NACC2: variants seen among roughly 807,000 people sequenced by gnomAD.
NACC2 encodes the protein NACC family member 2, also known as nucleus accumbens-associated protein 2.
A neutral mutation model predicts 25.1 loss-of-function variants in NACC2; 8 were observed. The observed-to-expected ratio is 0.32, with a 90% CI of 0.19 to 0.57. The LOEUF (loss-of-function observed/expected upper bound fraction) is 0.57, where lower values mean the gene tolerates loss of function less well. Among genes scored for constraint, NACC2 ranks in the 20% least tolerant of loss-of-function variants. NACC2 has a pLI of 0.89. For synonymous variants in NACC2, 435 were observed against 294.7 expected (o/e 1.48, Z -4.88); for missense variants, 644 against 650.2 (o/e 0.99, Z 0.10).
intron 1 of NACC2, among the ~76,000 whole-genome samples, chr9:136,077,645 G>A (rs908296883): frequency 7.9e-6 from 1 of 126,886 alleles, no homozygotes; most frequent in Non-Finnish European, 1.8e-5. Context: ...CCTTCACAGA[G>A]GAGAAGGTCC....
rs558667937 is a variant in NACC2 at position 136,067,609 on chromosome 9, G to A, written c.-59-17029C>T. ...TCCCAGCAATTTGGGAAGCCAAGGC[G>A]GGCAGATCACGAGGTCAAGAGATCG... On this transcript the variant is annotated intron_variant, in intron 1 of 5. Coordinates refer to ENST00000277554, the MANE Select transcript of NACC2 (RefSeq NM_144653.5). Among the ~76,000 whole-genome samples the A allele has an allele frequency of 2.7e-4, 38 of 142,964 alleles. No homozygotes were observed. The South Asian group carries it at 3.9e-3, about 15-fold the overall frequency. 93.8% of individuals were successfully genotyped at this position (142,964 alleles called of 152,430 possible). A position where few individuals can be genotyped will look rare whatever the true frequency, so the allele number is the denominator to read the frequency against.
chr9:136,011,551 G>GGGCCGC lies in NACC2; in HGVS notation c.1723_1728dup (p.Ala575_Ala576dup). 7.1e-7 allele frequency: 1 copy of GGGCCGC among 1,406,612 alleles called. No individual in the cohort carries two copies. 87.1% of individuals were successfully genotyped at this position (1,406,612 alleles called of 1,614,324 possible). A position where few individuals can be genotyped will look rare whatever the true frequency, so the allele number is the denominator to read the frequency against. ...CCTGCATAGGTGCCCTCCGGCCTCC[G>GGGCCGC]GGCCGCGGCCGCCGGCGTCTGGGGC... On this transcript the variant is annotated inframe_insertion, in exon 6 of 6. Coordinates refer to ENST00000277554, the MANE Select transcript of NACC2 (RefSeq NM_144653.5).
intron 2 of NACC2, among the ~76,000 whole-genome samples, chr9:136,029,549 C>A (rs536716587): frequency 6.6e-6 from 1 of 152,338 alleles, no homozygotes; most frequent in East Asian, 1.9e-4. Context: ...ACGTTGTGGG[C>A]AATGAGGAGA....
chr9:136,087,526 A>G (rs1310398552), intron 1 of NACC2, among the ~76,000 whole-genome samples: 1 of 152,194 alleles, frequency 6.6e-6, no homozygotes, highest in Admixed American at 6.5e-5. Context: ...CAGTCCTCGC[A>G]GGGCCCGGCT....
chr9:136,045,899 C>A (rs1431877773), intron 2 of NACC2, among the ~76,000 whole-genome samples: 1 of 152,160 alleles, frequency 6.6e-6, no homozygotes, highest in Non-Finnish European at 1.5e-5. Flanking sequence ...CCACCCCAAG[C>A]CCAGCCCCAG....
chr9:136,013,192 C>T lies in NACC2; in HGVS notation c.1255+7G>A, dbSNP rs771218991. 11 of 1,475,346 alleles carry T rather than the reference C, an allele frequency of 7.5e-6. No individual in the cohort carries two copies. Among genetic ancestry groups the T allele is most frequent in the South Asian group, 2.3e-5 (2 of 87,798 alleles). The allele number at this position is 1,475,346 out of a possible 1,614,324, so 91.4% of individuals were successfully genotyped here. A position where few individuals can be genotyped will look rare whatever the true frequency, so the allele number is the denominator to read the frequency against. ...CCCACCCACCCGAGAGACCCCCAGG[C>T]TCTTACATTTCACAGCGTTCAGGAC... is the stretch of plus-strand genomic sequence containing the variant. On this transcript the variant is annotated splice_region_variant and intron_variant, in intron 5 of 5. Coordinates refer to ENST00000277554, the MANE Select transcript of NACC2 (RefSeq NM_144653.5). The surrounding 1 kb of genome is among the most constrained non-coding windows in gnomAD (Gnocchi z 6.6).
chr9:136,029,006 C>T (rs1840436511), intron 2 of NACC2, among the ~76,000 whole-genome samples: 1 of 152,160 alleles, frequency 6.6e-6, no homozygotes, highest in Admixed American at 6.5e-5. Flanking sequence ...GTGTGGCCAC[C>T]ATAAGCAGGT....
chr9:136,053,238 C>G (rs2131165309), intron 1 of NACC2, among the ~76,000 whole-genome samples: 2 of 152,328 alleles, frequency 1.3e-5, no homozygotes, highest in Middle Eastern at 3.4e-3. Flanking sequence ...TGGCTCCTCC[C>G]TAGTCACACA....
Position 136,055,417 on chromosome 9 carries a change from C to A in NACC2, c.-59-4837G>T, listed in dbSNP as rs1840910377. 6.6e-6 allele frequency among the ~76,000 whole-genome samples: 1 copy of A among 152,274 alleles called. No individual in the cohort carries two copies. The highest frequency in any genetic ancestry group is 2.1e-4 in the South Asian group (1 of 4,828). Reference sequence around the variant, plus strand: ...AAGACCCCTGAAAGCATCCCCCAGGCCAGAGGACTGGGACAGGGACCAGTC... The same window carrying A: ...AAGACCCCTGAAAGCATCCCCCAGGACAGAGGACTGGGACAGGGACCAGTC... On this transcript the variant is annotated intron_variant, in intron 1 of 5. Transcript: ENST00000277554. This position sits in a 1 kb window ranked among gnomAD's most constrained non-coding sequence, Gnocchi z 4.9.
At chr9:136,048,178 G>A (rs1312772912) in intron 2 of NACC2, among the ~76,000 whole-genome samples, 1 of 152,226 alleles carries the variant, frequency 6.6e-6, no homozygotes, top group Non-Finnish European at 1.5e-5. Context: ...CCCTGGGACT[G>A]GAGCCCATGG....
In NACC2 at chr9:136,019,770, G is replaced by C. The variant is rs1469370933; in HGVS notation, c.887-3341C>G. 6.6e-6 allele frequency among the ~76,000 whole-genome samples: 1 copy of C among 152,146 alleles called. No homozygotes were observed. The highest frequency in any genetic ancestry group is 1.5e-5 in the Non-Finnish European group (1 of 68,028). On this transcript the variant is annotated intron_variant, in intron 2 of 5. Coordinates refer to ENST00000277554, the MANE Select transcript of NACC2 (RefSeq NM_144653.5). The surrounding 1 kb of genome is among the most constrained non-coding windows in gnomAD (Gnocchi z 5.2). Reference sequence around the variant, plus strand: ...CAAATGCTGCCCGGGGCGCGGGGTTGGGGCCTTCAGGGACCCAGAAGGAGC... The same window carrying C: ...CAAATGCTGCCCGGGGCGCGGGGTTCGGGCCTTCAGGGACCCAGAAGGAGC...
At chr9:136,029,767 C>T (rs920978183) in intron 2 of NACC2, among the ~76,000 whole-genome samples, 17 of 152,168 alleles carry the variant, frequency 1.1e-4, no homozygotes, top group Non-Finnish European at 2.1e-4. Flanking sequence ...CTGGAGCTGC[C>T]CACCCCACTG....
intron 2 of NACC2, among the ~76,000 whole-genome samples, chr9:136,044,677 A>G (rs1840693328): frequency 1.3e-5 from 2 of 152,214 alleles, no homozygotes; most frequent in African/African-American, 4.8e-5. Context: ...CCCCAAGTTC[A>G]GCCCCTCTTC....
At chr9:136,037,119 C>T (rs1351081692) in intron 2 of NACC2, among the ~76,000 whole-genome samples, 1 of 152,206 alleles carries the variant, frequency 6.6e-6, no homozygotes, top group African/African-American at 2.4e-5. Context: ...ATTCTATATG[C>T]AGCAAAAGCT....
In NACC2 at chr9:136,011,550, C is replaced by T. The variant is rs371043563; in HGVS notation, c.1730G>A (p.Arg577Gln). 7.2e-4 allele frequency: 1,007 copies of T among 1,408,326 alleles called. 24 individuals carry two copies. In the South Asian group the frequency reaches 0.012, roughly 16 times the overall value. The allele number at this position is 1,408,326 out of a possible 1,614,324, so 87.2% of individuals were successfully genotyped here. Residue 577 changes from arginine (R) to glutamine (Q), a missense_variant, in exon 6 of 6, where the codon CGG becomes CAG. Coordinates refer to ENST00000277554, the MANE Select transcript of NACC2 (RefSeq NM_144653.5). Reference sequence around the variant, plus strand: ...CCCTGCATAGGTGCCCTCCGGCCTCCGGGCCGCGGCCGCCGGCGTCTGGGG... The same window carrying T: ...CCCTGCATAGGTGCCCTCCGGCCTCTGGGCCGCGGCCGCCGGCGTCTGGGG... ...SRPQTPAAAA[R>Q]RPEGTYAGTL
At chr9:136,067,076 G>A (rs1466782119) in intron 1 of NACC2, among the ~76,000 whole-genome samples, 1 of 151,894 alleles carries the variant, frequency 6.6e-6, no homozygotes, top group African/African-American at 2.4e-5. Flanking sequence ...GCAACATGTC[G>A]AAACCCCGTC....
At chr9:136,083,993 G>C (rs1210951836) in intron 1 of NACC2, among the ~76,000 whole-genome samples, 1 of 152,080 alleles carries the variant, frequency 6.6e-6, no homozygotes, top group Non-Finnish European at 1.5e-5. Flanking sequence ...ACTGGGTGGG[G>C]AGACCCAAGA....
intron 1 of NACC2, among the ~76,000 whole-genome samples, chr9:136,052,967 G>C (rs1229793936): frequency 6.6e-6 from 1 of 152,248 alleles, no homozygotes; most frequent in African/African-American, 2.4e-5. Context: ...CCTCTGGACT[G>C]CCCAGCCTCA....
In NACC2 at chr9:136,088,384, T is replaced by C. The variant is rs115081918; in HGVS notation, c.-60+6805A>G. ...CTCTCCCCTAGGGCAAAAATTTGAG[T>C]CCACACAGCAATGCTGGATCCAAGC... On this transcript the variant is annotated intron_variant, in intron 1 of 5. Transcript: ENST00000277554. 9.5e-3 allele frequency among the ~76,000 whole-genome samples: 1,445 copies of C among 152,016 alleles called. 21 individuals carry two copies. The highest frequency in any genetic ancestry group is 0.032 in the African/African-American group (1,345 of 41,448).
Sources: allele counts gnomAD v4.1 joint callset (sites outside exome capture counted in the v4.1 genomes callset), GRCh38; gene constraint gnomAD v4.1.1; non-coding constraint Gnocchi (gnomAD v3.1); transcripts MANE v1.5; gene names NCBI Gene and HGNC (gene_info 2026-07-23, HGNC 2026-07-21).